ACP1: variants seen among roughly 807,000 people sequenced by gnomAD.
ACP1 encodes acid phosphatase 1, also known as low molecular weight phosphotyrosine protein phosphatase.
A neutral mutation model predicts 23.4 loss-of-function variants in ACP1; 23 were observed. The ratio of observed to expected loss-of-function variants is 0.98; its 90% CI spans 0.71 to 1.39. The LOEUF (loss-of-function observed/expected upper bound fraction) is 1.39. ACP1 is among the 40% of genes most tolerant of loss of function. ACP1 has a pLI of 0.00. For missense variants in ACP1, 180 were observed against 197.7 expected (o/e 0.91, Z 0.54); for synonymous variants, 72 against 67.2 (o/e 1.07, Z -0.35).
At chr2:270,070 C>G (rs1669988666) in intron 1 of ACP1, among the ~76,000 whole-genome samples, 1 of 152,164 alleles carries the variant, frequency 6.6e-6, no homozygotes, top group South Asian at 2.1e-4. Context: ...TCATACGAGC[C>G]TCTTACAAGG....
intron 1 of ACP1, among the ~76,000 whole-genome samples, chr2:268,792 A>G (rs964008110): frequency 5.3e-5 from 8 of 152,234 alleles, no homozygotes; most frequent in Non-Finnish European, 1.5e-5. Flanking sequence ...GATAGGCGAA[A>G]CCTGAAGTAC....
chr2:275,026 A>T (rs1358046746), intron 3 of ACP1, 114 bp from the exon 4 acceptor site: 1 of 436,602 alleles, frequency 2.3e-6, no homozygotes, highest in Non-Finnish European at 4.1e-6. Context: ...TTAATTGTTT[A>T]TTAGTGAGTA....
At chr2:277,132 TTG>T in intron 5 of ACP1, 47 bp downstream of exon 5, 1 of 1,571,726 alleles carries the variant, frequency 6.4e-7, no homozygotes, top group Non-Finnish European at 8.8e-7. Flanking sequence ...CCCAACACAT[TTG>T]TATCCTGCCA....
At chr2:269,212 GA>G in intron 1 of ACP1, 3 of 421,170 alleles carry the variant, frequency 7.1e-6, no homozygotes, top group Non-Finnish European at 1.5e-5. Flanking sequence ...ACAAAATTTA[GA>G]ATGTCGAAAG....
chr2:277,212 T>G lies in ACP1; in HGVS notation c.400-15T>G, dbSNP rs1386021775. 6.2e-7 allele frequency: 1 copy of G among 1,614,088 alleles called. No homozygotes were observed. Among genetic ancestry groups the G allele is most frequent in the Non-Finnish European group, 8.5e-7 (1 of 1,179,922 alleles). On this transcript the variant is annotated splice_polypyrimidine_tract_variant and intron_variant, in intron 5 of 5. Transcript: ENST00000272065. ...TGCAGGTTTTGCCATTTTCTTCTTTTTCCTGTCCATTTAGGGGAATGACTC... is the reference window on the plus strand; with the variant it reads ...TGCAGGTTTTGCCATTTTCTTCTTTGTCCTGTCCATTTAGGGGAATGACTC...
intron 3 of ACP1, among the ~76,000 whole-genome samples, chr2:274,262 T>A (rs1214929463): frequency 2.0e-5 from 3 of 152,218 alleles, no homozygotes; most frequent in African/African-American, 4.8e-5. Context: ...TTCTAGCTAC[T>A]GGAAGTGCAT....
In ACP1 at chr2:264,948, C is replaced by T. The variant is rs11696071; in HGVS notation, c.-17C>T. 4.4e-4 allele frequency: 704 copies of T among 1,611,974 alleles called. 8 individuals carry two copies. The African/African-American group carries it at 8.4e-3, about 19-fold the overall frequency. On this transcript the variant is annotated 5_prime_UTR_variant, in exon 1 of 6. Coordinates refer to ENST00000272065, the MANE Select transcript of ACP1 (RefSeq NM_004300.4). ...TGCGGAACGCCGCGGTGTCTCGGCG[C>T]CTCTGCGCGCGGGAAGATGGCGGAA...
intron 3 of ACP1, among the ~76,000 whole-genome samples, chr2:273,587 C>T (rs1186071486): frequency 1.3e-5 from 2 of 152,204 alleles, no homozygotes; most frequent in South Asian, 4.1e-4. Flanking sequence ...GCCACAAAGC[C>T]CGACTGTCTC....
At chr2:275,615 A>G (rs955565575) in intron 4 of ACP1, 1 of 154,982 alleles carries the variant, frequency 6.5e-6, no homozygotes, top group African/African-American at 2.4e-5. Context: ...TAAAAGAAGG[A>G]AGTGAGAAAC....
chr2:277,298 C>G lies in ACP1; in HGVS notation c.471C>G (p.Ala157=). Residue 157 remains alanine, a synonymous_variant, in exon 6 of 6, where the codon GCC becomes GCG. Transcript: ENST00000272065. ...VRCCRAFLEK[A]H is the part of the protein sequence containing the mutation. ...GCTGCAGAGCGTTCTTGGAGAAGGC[C>G]CACTGAGGCAGGTTCGTGCCCTGCT... The G allele has an allele frequency of 6.2e-7, 1 of 1,612,646 alleles. No homozygotes were observed. The highest frequency in any genetic ancestry group is 1.1e-5 in the South Asian group (1 of 91,014).
At chr2:276,826 G>T (rs1670186695) in intron 4 of ACP1, among the ~76,000 whole-genome samples, 154 bp from the exon 5 acceptor site, 1 of 152,216 alleles carries the variant, frequency 6.6e-6, no homozygotes, top group Admixed American at 6.5e-5. Context: ...AGCTGCAGAA[G>T]GGGCCACACG....
At chr2:274,625 C>A (rs1558264315) in intron 3 of ACP1, 2 of 152,204 alleles carry the variant, frequency 1.3e-5, no homozygotes, top group African/African-American at 4.8e-5. Context: ...TCCTCCCTGC[C>A]CCAAAGCTGT....
chr2:276,411 A>G (rs1670176595), intron 4 of ACP1, among the ~76,000 whole-genome samples: 1 of 152,162 alleles, frequency 6.6e-6, no homozygotes, highest in Admixed American at 6.5e-5. Context: ...CATCTGTCGC[A>G]GGTGCTCAGT....
intron 1 of ACP1, 67 bp from the exon 2 acceptor site, chr2:271,799 A>C: frequency 7.9e-7 from 1 of 1,263,412 alleles, no homozygotes; most frequent in Non-Finnish European, 1.2e-6. Context: ...TGTGTAAAGA[A>C]GGGGAGCTGG....
chr2:268,930 A>G (rs930339814), intron 1 of ACP1, among the ~76,000 whole-genome samples: 11 of 152,182 alleles, frequency 7.2e-5, no homozygotes, highest in Admixed American at 1.3e-4. Context: ...AAGTTTTCAT[A>G]TTGTTGTGGG....
At chr2:272,620 A>G in intron 3 of ACP1, 1 of 600,798 alleles carries the variant, frequency 1.7e-6, no homozygotes, top group Non-Finnish European at 2.6e-6. Flanking sequence ...GGCCATAGTA[A>G]TCATCCTGCT....
intron 1 of ACP1, among the ~76,000 whole-genome samples, chr2:267,835 G>C (rs1421491858): frequency 2.0e-5 from 3 of 152,176 alleles, no homozygotes; most frequent in Non-Finnish European, 4.4e-5. Flanking sequence ...ATACAGAAAG[G>C]GTGTAGCACA....
chr2:268,695 T>C (rs1248748953), intron 1 of ACP1, among the ~76,000 whole-genome samples: 2 of 152,222 alleles, frequency 1.3e-5, no homozygotes, highest in African/African-American at 2.4e-5. Flanking sequence ...TCTGCCTAAT[T>C]TGGAAAAGAC....
intron 3 of ACP1, among the ~76,000 whole-genome samples, chr2:273,386 G>A (rs1381797156): frequency 1.3e-5 from 2 of 152,236 alleles, no homozygotes; most frequent in Non-Finnish European, 2.9e-5. Context: ...CTGTTCTGAG[G>A]TCTCATCACT....
Sources: gnomAD v4.1 joint callset for allele counts (sites outside exome capture counted in the v4.1 genomes callset) on GRCh38, gnomAD v4.1.1 for gene constraint, MANE v1.5 for transcripts, NCBI Gene and HGNC (gene_info 2026-07-23, HGNC 2026-07-21) for gene names.